The following KHDRBS2 variants were observed in gnomAD, a reference collection of about 807,000 sequenced individuals.
The protein encoded by KHDRBS2 is KH RNA binding domain containing, signal transduction associated 2.
Under a neutral mutation model 44.3 loss-of-function variants are expected in KHDRBS2, and 26 were observed. The observed-to-expected ratio is 0.59, with a 90% CI of 0.43 to 0.81. The LOEUF (loss-of-function observed/expected upper bound fraction) is 0.81. Ranked by LOEUF, KHDRBS2 falls within the 40% of genes least tolerant of loss-of-function variation. KHDRBS2 has a pLI of 0.00. For missense variants in KHDRBS2, 476 were observed against 433.1 expected (o/e 1.10, Z -0.88); for synonymous variants, 194 against 151.1 (o/e 1.28, Z -2.08).
chr6:62,049,771 A>G (rs1284659978), intron 2 of KHDRBS2, among the ~76,000 whole-genome samples: 1 of 152,094 alleles, frequency 6.6e-6, no homozygotes, highest in Non-Finnish European at 1.5e-5. Flanking sequence ...AATGGCAATT[A>G]TTAAAAAGTC....
chr6:61,989,686 T>A (rs1775759472), intron 3 of KHDRBS2, among the ~76,000 whole-genome samples: 1 of 152,180 alleles, frequency 6.6e-6, no homozygotes, highest in Admixed American at 6.5e-5. Context: ...AGAGGAGAGT[T>A]TTTCTGGGTT....
intron 6 of KHDRBS2, among the ~76,000 whole-genome samples, chr6:61,786,612 T>A (rs1783854171): frequency 6.6e-6 from 1 of 151,816 alleles, no homozygotes; most frequent in African/African-American, 2.4e-5. Context: ...AATCTTGAGG[T>A]GGGTCTTGCA....
intron 3 of KHDRBS2, among the ~76,000 whole-genome samples, chr6:61,989,077 T>C (rs1583995116): frequency 6.6e-6 from 1 of 152,320 alleles, no homozygotes; most frequent in East Asian, 1.9e-4. Flanking sequence ...AGATTCTCCC[T>C]GTTGAAAATA....
intron 7 of KHDRBS2, among the ~76,000 whole-genome samples, chr6:61,730,429 C>T (rs566739238): frequency 1.3e-5 from 2 of 152,148 alleles, no homozygotes; most frequent in Admixed American, 6.6e-5. Context: ...GTGCATACCC[C>T]ATGAAAGACT....
intron 3 of KHDRBS2, among the ~76,000 whole-genome samples, chr6:61,978,970 C>G (rs935074783): frequency 2.0e-5 from 3 of 152,042 alleles, no homozygotes; most frequent in African/African-American, 7.2e-5. Context: ...TTGCACCAAC[C>G]TAATACATTT....
At chr6:61,605,859 C>A in the KHDRBS2 span, among the ~76,000 whole-genome samples, 34 of 152,284 alleles carry the variant, frequency 2.2e-4, no homozygotes, top group Admixed American at 2.2e-3. Flanking sequence ...GCCATCATAT[C>A]CCCTGTGACT....
intron 4 of KHDRBS2, among the ~76,000 whole-genome samples, chr6:61,928,007 T>C (rs1562457582): frequency 6.6e-6 from 1 of 152,132 alleles, no homozygotes; most frequent in East Asian, 1.9e-4. Flanking sequence ...CACAGTATCT[T>C]TGAAAGATAT....
intron 6 of KHDRBS2, among the ~76,000 whole-genome samples, chr6:61,824,099 G>C (rs1790448880): frequency 6.6e-6 from 1 of 152,052 alleles, no homozygotes. Context: ...AGAGCACTAA[G>C]CAGTTGTGTT....
chr6:61,942,051 C>T (rs1248256858), intron 4 of KHDRBS2, among the ~76,000 whole-genome samples: 9 of 151,980 alleles, frequency 5.9e-5, no homozygotes, highest in Admixed American at 5.2e-4. Context: ...GCCTTGAACT[C>T]CTGGGCTCAA....
chr6:61,561,083 G>T, the KHDRBS2 span, among the ~76,000 whole-genome samples: 1 of 152,162 alleles, frequency 6.6e-6, no homozygotes, highest in Non-Finnish European at 1.5e-5. Context: ...CAGACTCAAA[G>T]AAGTCTCACC....
At chr6:61,652,522 A>G in the KHDRBS2 span, among the ~76,000 whole-genome samples, 2,437 of 152,188 alleles carry the variant, frequency 0.016, 66 homozygotes, top group African/African-American at 0.057. Flanking sequence ...ATAGTTACAA[A>G]TTATCACAAG....
In KHDRBS2 at chr6:61,732,699, A is replaced by G. The variant is rs10484690; in HGVS notation, c.876T>C (p.Tyr292=). The G allele has an allele frequency of 0.32, 519,960 of 1,602,226 alleles. 88,333 individuals are homozygous for G. The highest frequency in any genetic ancestry group is 0.57 in the African/African-American group (42,870 of 74,620). The part of the protein sequence containing the change: ...DQTYETYDNS[Y]ATQTQSVPEY... Reference sequence around the variant, plus strand: ...TGCCTTACCTTTGTGTTTGGGTCGCATAGCTGTTATCATAAGTCTCATAGG... The same window carrying G: ...TGCCTTACCTTTGTGTTTGGGTCGCGTAGCTGTTATCATAAGTCTCATAGG... The change falls in exon 7 of 9, where the codon TAT becomes TAC. Residue 292 remains tyrosine (Y), a synonymous_variant. Coordinates refer to ENST00000281156, the MANE Select transcript of KHDRBS2 (RefSeq NM_152688.4).
the KHDRBS2 span, among the ~76,000 whole-genome samples, chr6:61,578,722 C>T: frequency 8.1e-4 from 123 of 152,170 alleles, no homozygotes; most frequent in African/African-American, 2.7e-3. Flanking sequence ...GGTAGTAAAG[C>T]GATTATAGTC....
chr6:61,696,231 T>C (rs1767884730), intron 8 of KHDRBS2, among the ~76,000 whole-genome samples: 2 of 145,372 alleles, frequency 1.4e-5, no homozygotes, highest in Non-Finnish European at 3.0e-5. Context: ...TGATGCCATA[T>C]ATGTATTTTA....
chr6:61,554,100 G>A, the KHDRBS2 span, among the ~76,000 whole-genome samples: 1 of 152,120 alleles, frequency 6.6e-6, no homozygotes, highest in South Asian at 2.1e-4. Context: ...CTATTGGGGT[G>A]TTAAAGTCTT....
intron 1 of KHDRBS2, among the ~76,000 whole-genome samples, chr6:62,234,790 TTATC>T (rs1210414539): frequency 1.3e-5 from 2 of 151,996 alleles, no homozygotes; most frequent in Non-Finnish European, 2.9e-5. Flanking sequence ...CACACAATCT[TTATC>T]TATAACATTA....
chr6:61,927,722 T>C (rs1053839865), intron 4 of KHDRBS2, among the ~76,000 whole-genome samples: 5 of 152,150 alleles, frequency 3.3e-5, no homozygotes, highest in Admixed American at 2.0e-4. Context: ...ACAGGTTGAC[T>C]CAATTCACAA....
At chr6:61,570,882 C>T in the KHDRBS2 span, among the ~76,000 whole-genome samples, 1 of 151,938 alleles carries the variant, frequency 6.6e-6, no homozygotes, top group Non-Finnish European at 1.5e-5. Context: ...AAGAGTTCAC[C>T]ACTACCAAAA....
At chr6:61,890,138 C>T (rs753115744) in intron 6 of KHDRBS2, among the ~76,000 whole-genome samples, 1 of 152,098 alleles carries the variant, frequency 6.6e-6, no homozygotes, top group Non-Finnish European at 1.5e-5. Context: ...TGAAAGCAGA[C>T]ATTTGGTTTG....
Sources: gnomAD v4.1 joint callset for allele counts (sites outside exome capture counted in the v4.1 genomes callset) on GRCh38, gnomAD v4.1.1 for gene constraint, MANE v1.5 for transcripts, NCBI Gene and HGNC (gene_info 2026-07-23, HGNC 2026-07-21) for gene names.